Variants in ATIC observed in about 807,000 individuals in gnomAD.
ATIC encodes 5-aminoimidazole-4-carboxamide ribonucleotide formyltransferase/IMP cyclohydrolase.
A neutral mutation model predicts 72.5 loss-of-function variants in ATIC; 64 were observed. The ratio of observed to expected loss-of-function variants is 0.88; its 90% confidence interval spans 0.72 to 1.09. The LOEUF is 1.09. ATIC is among the 50% of genes least tolerant of loss of function. The pLI is 0.00. For missense variants in ATIC, 787 were observed against 732.4 expected (o/e 1.07, Z -0.86); for synonymous variants, 281 against 267.1 (o/e 1.05, Z -0.51).
At chr2:215,328,877 C>T (rs12990040) in intron 7 of ATIC, among the ~76,000 whole-genome samples, 35,898 of 152,060 alleles carry the variant, frequency 0.24, 5,117 homozygotes, top group South Asian at 0.45. Flanking sequence ...GCCACCACAC[C>T]TGGCTAATTT....
At position 215,349,554 on chromosome 2, in the gene ATIC, GCGGCTCCCTC is replaced by G. The variant is rs1475966575; in HGVS notation, c.1682_1691del (p.Ala561ValfsTer8). On this transcript the variant is annotated frameshift_variant, in exon 16 of 16. Coordinates refer to ENST00000236959, the MANE Select transcript of ATIC (RefSeq NM_004044.7). LOFTEE classifies it high-confidence loss of function. ...CCCCCAGAGTGGTGTGGCGTACATT[GCGGCTCCCTC>G]CGGTTCTGCTGCTGACAAAGTTGTG... 6.2e-7 allele frequency: 1 copy of G among 1,614,108 alleles called. No individual in the cohort carries two copies. Among genetic ancestry groups the G allele is most frequent in the East Asian group, 2.2e-5 (1 of 44,884 alleles).
intron 2 of ATIC, among the ~76,000 whole-genome samples, chr2:215,314,831 C>T (rs1418400570): frequency 6.6e-6 from 1 of 152,134 alleles, no homozygotes; most frequent in African/African-American, 2.4e-5. Flanking sequence ...ATCCTTTGCT[C>T]TCCATCGTAA....
chr2:215,341,923 C>G (rs2106034505), intron 12 of ATIC, among the ~76,000 whole-genome samples: 1 of 152,160 alleles, frequency 6.6e-6, no homozygotes, highest in African/African-American at 2.4e-5. Context: ...TTGGGGAGGC[C>G]TCAGGAATCT....
intron 15 of ATIC, 72 bp from the exon 16 acceptor site, chr2:215,349,464 T>C: frequency 6.2e-7 from 1 of 1,610,824 alleles, no homozygotes; most frequent in Non-Finnish European, 8.5e-7. Context: ...CATATGCTTT[T>C]TAGAGGGGGA....
downstream of ATIC, among the ~76,000 whole-genome samples, chr2:215,353,204 C>T (rs535023766): frequency 2.6e-5 from 4 of 152,228 alleles, no homozygotes; most frequent in South Asian, 6.2e-4. Flanking sequence ...ATTATTGATA[C>T]ATTTGAGGCC....
chr2:215,347,370 A>G (rs1575126558), intron 14 of ATIC: 1 of 369,268 alleles, frequency 2.7e-6, no homozygotes, highest in Non-Finnish European at 5.3e-6. Flanking sequence ...TTCTCCCACC[A>G]CATTTTCTAC....
intron 4 of ATIC, among the ~76,000 whole-genome samples, chr2:215,320,629 G>T (rs976013529): frequency 6.6e-6 from 1 of 152,012 alleles, no homozygotes; most frequent in Non-Finnish European, 1.5e-5. Context: ...GCTCAGGTTG[G>T]AGTTCAGTGG....
chr2:215,337,079 G>A (rs1029861364), intron 11 of ATIC, among the ~76,000 whole-genome samples: 25 of 65,444 alleles, frequency 3.8e-4, no homozygotes, highest in Admixed American at 1.5e-3. Flanking sequence ...CTAAGTTGTT[G>A]TTGGCTTTTT....
chr2:215,335,743 C>T (rs888202729), intron 10 of ATIC, among the ~76,000 whole-genome samples: 21 of 152,192 alleles, frequency 1.4e-4, no homozygotes, highest in African/African-American at 5.1e-4. Context: ...AAAACACTCC[C>T]TGAAGAAATA....
intron 8 of ATIC, 53 bp from the exon 9 acceptor site, chr2:215,333,297 A>G (rs1396185294): frequency 2.0e-6 from 3 of 1,475,628 alleles, no homozygotes; most frequent in African/African-American, 2.8e-5. Context: ...TTAGGAGTTG[A>G]CAGGTAGTAA....
At chr2:215,347,143 C>A in intron 14 of ATIC, 1 of 679,032 alleles carries the variant, frequency 1.5e-6, no homozygotes, top group Non-Finnish European at 2.4e-6. Flanking sequence ...TTTTTGACCC[C>A]TTTCTGAAAC....
chr2:215,362,100 A>T, the ATIC span: 5 of 1,570,446 alleles, frequency 3.2e-6, no homozygotes, highest in East Asian at 1.1e-4. Flanking sequence ...AGAGGCATGA[A>T]GTCAAATGGG....
At chr2:215,334,396 A>G (rs1426637534) in intron 9 of ATIC, among the ~76,000 whole-genome samples, 1 of 151,896 alleles carries the variant, frequency 6.6e-6, no homozygotes, top group African/African-American at 2.4e-5. Context: ...TGGTTTCACC[A>G]TGTTGGCCAG....
chr2:215,364,210 C>T, the ATIC span, among the ~76,000 whole-genome samples: 59 of 152,316 alleles, frequency 3.9e-4, 1 homozygote, highest in African/African-American at 1.4e-3. Flanking sequence ...TCTGTTTTTC[C>T]TATACTACTT....
the ATIC span, among the ~76,000 whole-genome samples, chr2:215,355,767 G>A: frequency 1.3e-5 from 2 of 152,234 alleles, no homozygotes; most frequent in Admixed American, 1.3e-4. Flanking sequence ...AGGTCAAGAA[G>A]GAGATTTTGC....
chr2:215,333,256 G>A (rs77534283), intron 8 of ATIC, 94 bp from the exon 9 acceptor site: 72,242 of 1,017,530 alleles, frequency 0.071, 2,989 homozygotes, highest in Middle Eastern at 0.1. Context: ...AATGTGCTGC[G>A]TAGACTGGGT....
chr2:215,365,751 T>G, the ATIC span: 1 of 832,362 alleles, frequency 1.2e-6, no homozygotes, highest in African/African-American at 1.7e-5. Context: ...AATAGCAAGT[T>G]AAAGATAAAA....
At chr2:215,329,496 A>G (rs1413996831) in intron 7 of ATIC, among the ~76,000 whole-genome samples, 1 of 152,120 alleles carries the variant, frequency 6.6e-6, no homozygotes, top group African/African-American at 2.4e-5. Context: ...TTGCCTTTTC[A>G]TGTGGTTTGA....
chr2:215,315,752 C>T (rs533721406), intron 2 of ATIC, among the ~76,000 whole-genome samples: 19 of 152,084 alleles, frequency 1.2e-4, no homozygotes, highest in African/African-American at 4.6e-4. Context: ...GGAGTTTGAG[C>T]CCAGCCTGGC....
Sources: gnomAD v4.1 joint callset for allele counts (sites outside exome capture counted in the v4.1 genomes callset) on GRCh38, gnomAD v4.1.1 for gene constraint, MANE v1.5 for transcripts, NCBI Gene and HGNC (gene_info 2026-07-23, HGNC 2026-07-21) for gene names.